Variants in TPO observed in about 807,000 individuals in gnomAD.
TPO encodes thyroid microsomal antigen.
In TPO, 78 loss-of-function variants were observed where a neutral mutation model predicts 96.9. The observed-to-expected ratio is 0.81, with a 90% CI of 0.67 to 0.97. TPO has a LOEUF of 0.97. Ranked by LOEUF, TPO falls within the 50% of genes least tolerant of loss-of-function variation. The pLI is 0.00. For synonymous variants in TPO, 547 were observed against 538.0 expected (o/e 1.02, Z -0.23); for missense variants, 1,252 against 1,274.8 (o/e 0.98, Z 0.27).
chr2:1,400,548 A>G (rs995163603), intron 1 of TPO, among the ~76,000 whole-genome samples: 1 of 146,408 alleles, frequency 6.8e-6, no homozygotes, highest in Non-Finnish European at 1.5e-5. Flanking sequence ...CAGCCTGGAT[A>G]AAGAAGTGAG....
At chr2:1,531,151 AACCTCCCCAAATCCCCCCCACT>A in intron 15 of TPO, among the ~76,000 whole-genome samples, 2 of 47,888 alleles carry the variant, frequency 4.2e-5, no homozygotes, top group African/African-American at 1.8e-4. Context: ...CACTGTGTGC[AACCTCCCCAAATCCCCCCCACT>A]GTGAGCAACC....
rs188634084 is a variant in TPO, at chr2:1,447,387, C to T, written c.483-6307C>T. ...AATCTACCTTTGGCCTAGAAGCCCC[C>T]GCTTCCAGATGTCCTGCCTTTTTGT... On this transcript the variant is annotated intron_variant, in intron 5 of 16. Coordinates refer to ENST00000329066, the MANE Select transcript of TPO (RefSeq NM_001206744.2). 1.9e-3 allele frequency among the ~76,000 whole-genome samples: 297 copies of T among 152,316 alleles called. 1 individual carries two copies. The highest frequency in any genetic ancestry group is 6.7e-3 in the African/African-American group (280 of 41,570).
At chr2:1,412,483 T>C (rs985003209), upstream of TPO, among the ~76,000 whole-genome samples, 2 of 152,226 alleles carry the variant, frequency 1.3e-5, no homozygotes, top group Non-Finnish European at 2.9e-5. Context: ...AACTCATTTG[T>C]TATCTTCACC....
chr2:1,422,396 G>GACCTCGTGCAGCCGCCTCTCCTGGA (rs1663836880), intron 2 of TPO, among the ~76,000 whole-genome samples: 1 of 104,522 alleles, frequency 9.6e-6, no homozygotes, highest in African/African-American at 4.3e-5. Flanking sequence ...GCCGCGCTGG[G>GACCTCGTGCAGCCGCCTCTCCTGGA]CCATGGGGAG....
At chr2:1,540,933 C>G in intron 16 of TPO, 1 of 1,531,876 alleles carries the variant, frequency 6.5e-7, no homozygotes, top group South Asian at 1.2e-5. Context: ...AATGAAGATG[C>G]CTTCCATTTG....
Position 1,498,574 on chromosome 2 carries a change from C to T in TPO, c.2386+1809C>T, listed in dbSNP as rs560558303. On this transcript the variant is annotated intron_variant, in intron 13 of 16. Coordinates refer to ENST00000329066, the MANE Select transcript of TPO (RefSeq NM_001206744.2). ...AATTGCACAATGCCAGATTTGCAGA[C>T]GTGCTCCCCTGCTGCATTTTGGGAT... 9.2e-5 allele frequency among the ~76,000 whole-genome samples: 14 copies of T among 152,344 alleles called. No homozygotes were observed. The East Asian group carries it at 1.5e-3, about 17-fold the overall frequency.
At position 1,542,783 on chromosome 2, in the gene TPO, A is replaced by ACCTTCTG; in HGVS notation, c.*310_*316dup. ...CCACTCTTGCAATCCTCCTGTCTCC[A>ACCTTCTG]CCTTCTGGCATCTCTGATGCCGTGC... On this transcript the variant is annotated 3_prime_UTR_variant, in exon 17 of 17. Coordinates refer to ENST00000329066, the MANE Select transcript of TPO (RefSeq NM_001206744.2). 1.5e-6 allele frequency: 1 copy of ACCTTCTG among 647,028 alleles called. No homozygotes were observed. The highest frequency in any genetic ancestry group is 3.7e-5 in the East Asian group (1 of 27,202). The allele number at this position is 647,028 out of a possible 1,614,324, so 40.1% of individuals were successfully genotyped here.
intron 10 of TPO, among the ~76,000 whole-genome samples, chr2:1,493,209 T>TTGGGGGGG (rs1553321276): frequency 1.1e-4 from 2 of 17,492 alleles, no homozygotes; most frequent in Non-Finnish European, 2.8e-4. Flanking sequence ...TGTGAGTGGG[T>TTGGGGGGG]GGGGGGGGGG....
intron 13 of TPO, 58 bp from the exon 14 acceptor site, chr2:1,503,890 G>A (rs965534941): frequency 4.3e-5 from 70 of 1,613,660 alleles, no homozygotes; most frequent in South Asian, 1.9e-4. Context: ...GGGGTCGCTC[G>A]CGGGAGATGG....
intron 7 of TPO, among the ~76,000 whole-genome samples, chr2:1,475,674 C>T (rs1669849752): frequency 6.6e-6 from 1 of 152,194 alleles, no homozygotes; most frequent in Non-Finnish European, 1.5e-5. Flanking sequence ...CCGCCCACCT[C>T]GGCCTCCCAA....
At chr2:1,418,773 C>CGCTGCCT (rs1163144041) in intron 2 of TPO, among the ~76,000 whole-genome samples, 1 of 152,210 alleles carries the variant, frequency 6.6e-6, no homozygotes, top group African/African-American at 2.4e-5. Context: ...GAAGCAGAGG[C>CGCTGCCT]GCTGCCTGCA....
intron 3 of TPO, among the ~76,000 whole-genome samples, chr2:1,429,404 A>G (rs1033343292): frequency 6.6e-6 from 1 of 152,230 alleles, no homozygotes; most frequent in Admixed American, 6.5e-5. Context: ...ATTTCTTTAT[A>G]GCAATGTGAA....
chr2:1,538,209 C>G (rs940129702), intron 15 of TPO, among the ~76,000 whole-genome samples: 10 of 152,072 alleles, frequency 6.6e-5, no homozygotes, highest in African/African-American at 9.7e-5. Context: ...CTGTGAATCT[C>G]TCCTCCCTTC....
chr2:1,453,754 T>C lies in TPO; in HGVS notation c.543T>C (p.Tyr181=). The change falls in exon 6 of 17, where the codon TAT becomes TAC. Residue 181 remains tyrosine (Y), a synonymous_variant. Coordinates refer to ENST00000329066, the MANE Select transcript of TPO (RefSeq NM_001206744.2). ...TALARWLPPV[Y]EDGFSQPRGW... ...TGGCACGATGGCTCCCTCCAGTCTATGAGGACGGCTTCAGTCAGCCCCGAG... is the reference window on the plus strand; with the variant it reads ...TGGCACGATGGCTCCCTCCAGTCTACGAGGACGGCTTCAGTCAGCCCCGAG... 1 of 1,613,912 alleles carries C rather than the reference T, an allele frequency of 6.2e-7. No individual in the cohort carries two copies. The highest frequency in any genetic ancestry group is 8.5e-7 in the Non-Finnish European group (1 of 1,180,024).
At chr2:1,477,750 GC>G (rs780974875) in intron 8 of TPO, 146 bp downstream of exon 8, 5 of 1,369,138 alleles carry the variant, frequency 3.7e-6, no homozygotes, top group Non-Finnish European at 2.8e-6. Flanking sequence ...AGGTCGTGGG[GC>G]CCTGTGTGGG....
intron 1 of TPO, among the ~76,000 whole-genome samples, chr2:1,398,513 G>A (rs1163763640): frequency 6.6e-6 from 1 of 152,208 alleles, no homozygotes; most frequent in East Asian, 1.9e-4. Flanking sequence ...CTCACCCAGT[G>A]GGCGGCTCCT....
At chr2:1,479,214 C>T (rs1471439316) in intron 8 of TPO, among the ~76,000 whole-genome samples, 2 of 152,226 alleles carry the variant, frequency 1.3e-5, no homozygotes, top group East Asian at 1.9e-4. Context: ...AGGTCCCAGA[C>T]GGCTGCCTTC....
chr2:1,530,334 C>T (rs1406815722), intron 15 of TPO, among the ~76,000 whole-genome samples: 1 of 144,712 alleles, frequency 6.9e-6, no homozygotes, highest in African/African-American at 2.6e-5. Context: ...GAGAAACCTC[C>T]TCAAATCCCC....
intron 13 of TPO, among the ~76,000 whole-genome samples, chr2:1,499,849 G>A (rs2124971389): frequency 6.6e-6 from 1 of 152,350 alleles, no homozygotes; most frequent in Non-Finnish European, 1.5e-5. Flanking sequence ...AAATTGCTGA[G>A]CCTCTGTGTG....
Sources: allele counts gnomAD v4.1 joint callset (sites outside exome capture counted in the v4.1 genomes callset), GRCh38; gene constraint gnomAD v4.1.1; transcripts MANE v1.5; gene names NCBI Gene and HGNC (gene_info 2026-07-23, HGNC 2026-07-21).